The following SETX variants were observed in gnomAD, a reference collection of about 807,000 sequenced individuals.
SETX encodes helicase senataxin.
SETX carries 90 observed loss-of-function variants against 227.2 expected under a neutral mutation model. The observed-to-expected ratio is 0.40, with a 90% CI of 0.33 to 0.47. The LOEUF is 0.47. Ranked by LOEUF, SETX falls within the 20% of genes least tolerant of loss-of-function variation. SETX has a pLI of 0.91. For synonymous variants in SETX, 1,210 were observed against 1,113.2 expected, an observed-to-expected ratio of 1.09 and a Z score of -1.73; for missense variants, 3,052 against 3,181.5, an observed-to-expected ratio of 0.96 and a Z score of 0.98.
At position 132,329,952 on chromosome 9, in the gene SETX, A is replaced by T. The variant is rs765241284; in HGVS notation, c.1646T>A (p.Leu549His). ...IRSLLKEGYQLGQQSLCKRFW... is the reference protein window; with the variant it reads ...IRSLLKEGYQHGQQSLCKRFW... ...TCGCTTGCAAAGAGACTGCTGCCCAAGCTGATAACCTTCTTTAAGGAGACT... is the reference window on the plus strand; with the variant it reads ...TCGCTTGCAAAGAGACTGCTGCCCATGCTGATAACCTTCTTTAAGGAGACT... The change falls in exon 10 of 26, where the codon CTT becomes CAT. Residue 549 changes from leucine to histidine, a missense_variant. By Grantham distance (99) the Leu-to-His change is moderately conservative. This residue lies in a region of SETX where 179 missense variants were observed against 197.1 expected (regional missense o/e 0.91). Transcript: ENST00000224140. 3 of 1,614,236 alleles carry T rather than the reference A, an allele frequency of 1.9e-6. No homozygotes were observed. Among genetic ancestry groups the T allele is most frequent in the Non-Finnish European group, 2.5e-6 (3 of 1,180,016 alleles).
In SETX at chr9:132,283,835, TTGCCCTGTCTTTTTTTAG is replaced by T. The variant is rs61199792; in HGVS notation, c.6397-440_6397-423del. On this transcript the variant is annotated intron_variant, in intron 18 of 25. Transcript: ENST00000224140. ...TCTGTTAGTTTTTAAGTATATAATA[TTGCCCTGTCTTTTTTTAG>T]TGCTTTTGCTAGTACTAACAAAAAT... Among the ~76,000 whole-genome samples the T allele has an allele frequency of 3.0e-3, 459 of 152,320 alleles. 23 individuals are homozygous for T. The East Asian group carries it at 0.075, about 25-fold the overall frequency.
chr9:132,332,365 T>C (rs1454499582), intron 7 of SETX, among the ~76,000 whole-genome samples: 1 of 152,166 alleles, frequency 6.6e-6, no homozygotes, highest in Non-Finnish European at 1.5e-5. Flanking sequence ...ATATTAAACA[T>C]TCCCCCACTT....
Position 132,293,630 on chromosome 9 carries a change from G to C in SETX, c.6106+2242C>G, listed in dbSNP as rs141457259. ...GGACAGAGTTTCACCATGTTGGTCA[G>C]GCTGGTCTCAAACTCCTGACCTCAG... On this transcript the variant is annotated intron_variant, in intron 15 of 25. Coordinates refer to ENST00000224140, the MANE Select transcript of SETX (RefSeq NM_015046.7). Among the ~76,000 whole-genome samples the C allele has an allele frequency of 8.5e-4, 129 of 152,236 alleles. 2 individuals carry two copies. The East Asian group carries it at 0.02, about 23-fold the overall frequency.
intron 10 of SETX, among the ~76,000 whole-genome samples, chr9:132,313,595 AG>A (rs546915015): frequency 6.6e-4 from 100 of 152,322 alleles, no homozygotes; most frequent in African/African-American, 2.2e-3. Flanking sequence ...TATTTGATGC[AG>A]TTACAGGTTT....
At chr9:132,322,265 C>T (rs755910805) in intron 10 of SETX, among the ~76,000 whole-genome samples, 1 of 152,000 alleles carries the variant, frequency 6.6e-6, no homozygotes, top group African/African-American at 2.4e-5. Context: ...TTAAAGTGTA[C>T]GTCTCAGTGG....
intron 23 of SETX, 41 bp from the exon 24 acceptor site, chr9:132,271,849 A>G (rs775674678): frequency 7.8e-6 from 12 of 1,531,988 alleles, no homozygotes; most frequent in Non-Finnish European, 1.1e-5. Flanking sequence ...AAAAAGGAAG[A>G]TAATTATTAA....
chr9:132,321,181 G>T (rs987116225), intron 10 of SETX, among the ~76,000 whole-genome samples: 2 of 152,134 alleles, frequency 1.3e-5, no homozygotes, highest in Non-Finnish European at 2.9e-5. Flanking sequence ...AATATGTGAC[G>T]ATTCTTTTTT....
intron 1 of SETX, among the ~76,000 whole-genome samples, chr9:132,354,508 A>G (rs1344203876): frequency 6.6e-6 from 1 of 151,358 alleles, no homozygotes; most frequent in Non-Finnish European, 1.5e-5. Flanking sequence ...AAAAAAAAAA[A>G]AAAGAAAAAA....
chr9:132,333,816 A>T (rs979911528), intron 7 of SETX, among the ~76,000 whole-genome samples: 9 of 152,340 alleles, frequency 5.9e-5, no homozygotes, highest in African/African-American at 1.9e-4. Context: ...TGCATTGTTC[A>T]ATACAGTACA....
intron 2 of SETX, among the ~76,000 whole-genome samples, chr9:132,350,561 T>A (rs112420825): frequency 6.8e-4 from 104 of 152,338 alleles, no homozygotes; most frequent in African/African-American, 2.2e-3. Flanking sequence ...AGTGATTTTT[T>A]AAAATTCTTT....
chr9:132,331,759 T>A (rs1208555019), intron 7 of SETX, among the ~76,000 whole-genome samples: 1 of 152,308 alleles, frequency 6.6e-6, no homozygotes, highest in Non-Finnish European at 1.5e-5. Flanking sequence ...ACACCCTGTT[T>A]GCCATACCAG....
At chr9:132,321,163 C>T (rs963232438) in intron 10 of SETX, among the ~76,000 whole-genome samples, 3 of 152,196 alleles carry the variant, frequency 2.0e-5, no homozygotes, top group Non-Finnish European at 2.9e-5. Flanking sequence ...CCTACATTTC[C>T]CAGGTAAAAT....
intron 10 of SETX, among the ~76,000 whole-genome samples, chr9:132,318,974 G>C (rs1184834): frequency 1.3e-5 from 2 of 151,938 alleles, no homozygotes; most frequent in East Asian, 3.9e-4. Flanking sequence ...CTCACAATAT[G>C]TATCAGTTTA....
At chr9:132,311,702 T>C in intron 11 of SETX, 55 bp downstream of exon 11, 4 of 1,284,302 alleles carry the variant, frequency 3.1e-6, no homozygotes, top group Middle Eastern at 2.4e-4. Context: ...TCCTCTTAAT[T>C]AGAAATCTCC....
intron 10 of SETX, among the ~76,000 whole-genome samples, chr9:132,312,439 A>G (rs569184147): frequency 3.3e-5 from 5 of 152,368 alleles, no homozygotes; most frequent in South Asian, 2.1e-4. Flanking sequence ...TAAAAAAGTC[A>G]TATTAGCTTT....
In SETX at chr9:132,283,316, G is replaced by A. The variant is rs912051808; in HGVS notation, c.6494C>T (p.Ser2165Phe). The change falls in exon 19 of 26, where the codon TCT becomes TTT. Residue 2165 changes from serine (S) to phenylalanine (F), a missense_variant. This residue lies in a region of SETX where 412 missense variants were observed against 589.0 expected (regional missense o/e 0.70). Coordinates refer to ENST00000224140, the MANE Select transcript of SETX (RefSeq NM_015046.7). ...GACACCCCCTTGCCCACGGAAAGCA[G>A]ACTCAAGTAGTAAACCACCACTTGT... The part of the protein sequence containing the change: ...LSTSGGLLLE[S>F]AFRGQGGVPF... The A allele has an allele frequency of 6.2e-7, 1 of 1,614,056 alleles. No homozygotes were observed. The highest frequency in any genetic ancestry group is 8.5e-7 in the Non-Finnish European group (1 of 1,180,048).
chr9:132,346,061 A>G (rs192320928), intron 4 of SETX, among the ~76,000 whole-genome samples, 200 bp downstream of exon 4: 175 of 152,312 alleles, frequency 1.1e-3, no homozygotes, highest in Admixed American at 1.8e-3. Context: ...TCTGAACAAG[A>G]TAAGTTTGAA....
chr9:132,283,172 A>C (rs1843638924), intron 19 of SETX, 92 bp downstream of exon 19: 3 of 1,529,084 alleles, frequency 2.0e-6, no homozygotes, highest in South Asian at 2.3e-5. Context: ...AAAAAAAAAA[A>C]CACATTTCCT....
Position 132,263,047 on chromosome 9 carries a change from T to C in SETX, c.*1192A>G, listed in dbSNP as rs1357401360. The C allele has an allele frequency of 2.0e-5, 3 of 152,164 alleles. No individual in the cohort carries two copies. Among genetic ancestry groups the C allele is most frequent in the African/African-American group, 4.8e-5 (2 of 41,420 alleles). The allele number at this position is 152,164 out of a possible 1,614,324, so 9.4% of individuals were successfully genotyped here. A position where few individuals can be genotyped will look rare whatever the true frequency, so the allele number is the denominator to read the frequency against. ...AATTTTTTCCCCCACAAAAGCACTA[T>C]CACCTCTAATAGTAGCTGGAAACAC... is the stretch of plus-strand genomic sequence containing the variant. On this transcript the variant is annotated 3_prime_UTR_variant, in exon 26 of 26. Coordinates refer to ENST00000224140, the MANE Select transcript of SETX (RefSeq NM_015046.7).
Sources: allele counts gnomAD v4.1 joint callset (sites outside exome capture counted in the v4.1 genomes callset), GRCh38; gene constraint gnomAD v4.1.1; regional missense constraint gnomAD v4.1.1; transcripts MANE v1.5; gene names NCBI Gene and HGNC (gene_info 2026-07-23, HGNC 2026-07-21).